The following PLEC variants were observed in gnomAD, a reference collection of about 807,000 sequenced individuals.
The protein encoded by PLEC is hemidesmosomal protein 1.
In PLEC, 216 loss-of-function variants were observed where a neutral mutation model predicts 392.8. That is an observed-to-expected ratio of 0.55 (90% CI 0.49 to 0.62). PLEC has a LOEUF of 0.62. Ranked by LOEUF, PLEC falls within the 20% of genes least tolerant of loss-of-function variation. The pLI is 0.00. For missense variants in PLEC, 6,863 were observed against 6,563.4 expected (o/e 1.05, Z -1.58); for synonymous variants, 3,621 against 2,980.6 (o/e 1.21, Z -7.00).
chr8:143,921,162 T>C lies in PLEC; in HGVS notation c.8659A>G (p.Lys2887Glu), dbSNP rs782052845. The change falls in exon 32 of 32, where the codon AAG becomes GAG. Residue 2887 changes from lysine to glutamate, a missense_variant. Physicochemically the swap from Lys to Glu is moderately conservative, Grantham distance 56. Transcript: ENST00000345136. The stretch of plus-strand genomic sequence containing the variant: ...ACCAGCTCCCCGCCCTTGGCAGCCT[T>C]ATCCGTGAGTGGCAGAAGGCACAGG... ...TGLCLLPLTD[K>E]AAKGGELVYT... 7 of 1,613,672 alleles carry C rather than the reference T, an allele frequency of 4.3e-6. No individual in the cohort carries two copies. The highest frequency in any genetic ancestry group is 5.9e-6 in the Non-Finnish European group (7 of 1,180,010).
chr8:143,923,400 T>A lies in PLEC; in HGVS notation c.6529A>T (p.Thr2177Ser), dbSNP rs1554692183. The A allele has an allele frequency of 1.2e-6, 2 of 1,610,870 alleles. No homozygotes were observed. Among genetic ancestry groups the A allele is most frequent in the South Asian group, 2.2e-5 (2 of 90,968 alleles). Residue 2177 changes from threonine (T) to serine (S), a missense_variant, in exon 31 of 32, where the codon ACG becomes TCG. Transcript: ENST00000345136. The stretch of plus-strand genomic sequence containing the variant: ...TCCACCTGCGCCTTCTGCCGCAGCG[T>A]CTGCTCGGCGAATTTCTTATGCTTC... ...MEKHKKFAEQ[T>S]LRQKAQVEQE...
At position 143,932,547 on chromosome 8, in the gene PLEC, G is replaced by A. The variant is rs1008611582; in HGVS notation, c.1830C>T (p.Ala610=). Residue 610 remains alanine, a synonymous_variant, in exon 16 of 32, where the codon GCC becomes GCT. Transcript: ENST00000345136. ...GCAAGCTCTCCAGGGACCTGAGGCGGGCCTTGGAGGAGTTCTGTGGGCAGG... is the reference window on the plus strand; with the variant it reads ...GCAAGCTCTCCAGGGACCTGAGGCGAGCCTTGGAGGAGTTCTGTGGGCAGG... ...QYAKLLNSSK[A]RLRSLESLHS... 13 of 1,612,572 alleles carry A rather than the reference G, an allele frequency of 8.1e-6. No homozygotes were observed. Among genetic ancestry groups the A allele is most frequent in the Non-Finnish European group, 1.0e-5 (12 of 1,179,946 alleles).
intron 28 of PLEC, 65 bp downstream of exon 28, chr8:143,927,187 A>G: frequency 6.3e-7 from 1 of 1,583,702 alleles, no homozygotes; most frequent in South Asian, 1.1e-5. Context: ...AGGCTCAGGG[A>G]AAGCCCGCCA....
At chr8:143,933,922 C>G (rs1828148325) in intron 12 of PLEC, 76 bp downstream of exon 12, 4 of 1,350,012 alleles carry the variant, frequency 3.0e-6, no homozygotes, top group Non-Finnish European at 4.1e-6. Context: ...CAGCCCCCTC[C>G]TGGCTTTAGG....
At chr8:143,935,791 T>G in intron 6 of PLEC, 57 bp downstream of exon 6, 2 of 1,584,934 alleles carry the variant, frequency 1.3e-6, no homozygotes, top group Non-Finnish European at 1.7e-6. Flanking sequence ...AGTTGCCTAG[T>G]GGAGGCGCTG....
rs782178702 is a variant in PLEC at position 143,929,832 on chromosome 8, G to T, written c.2740-3C>A. 63 of 1,599,482 alleles carry T rather than the reference G, an allele frequency of 3.9e-5. No homozygotes were observed. The highest frequency in any genetic ancestry group is 4.1e-5 in the Non-Finnish European group (48 of 1,178,648). On this transcript the variant is annotated splice_region_variant and splice_polypyrimidine_tract_variant and intron_variant, in intron 22 of 31. Transcript: ENST00000345136. ...TCCTCTGGCTTCAGGGTGCGGAACT[G>T]GGGGAAGCACGTGGGGCTGAGTGCC...
rs782004006 is a variant in PLEC, at chr8:143,927,291, C to G, written c.3801G>C (p.Glu1267Asp). 12 of 1,613,242 alleles carry G rather than the reference C, an allele frequency of 7.4e-6. No homozygotes were observed. Among genetic ancestry groups the G allele is most frequent in the Middle Eastern group, 1.6e-4 (1 of 6,084 alleles). The change falls in exon 28 of 32, where the codon GAG (glutamate) becomes GAC (aspartate). Residue 1267 changes from glutamate to aspartate, a missense_variant. Coordinates refer to ENST00000345136, the MANE Select transcript of PLEC (RefSeq NM_201384.3). ...EIERHGEKVE[E>D]CQRFAKQYIN... ...TGTACTGTTTCGCAAACCTCTGGCA[C>G]TCCTCGACCTTCTCGCCGTGGCGCT...
chr8:143,927,577 C>T lies in PLEC; in HGVS notation c.3589G>A (p.Val1197Met), dbSNP rs3134600. Residue 1197 changes from valine to methionine, a missense_variant, in exon 27 of 32, where the codon GTG (valine) becomes ATG (methionine). Physicochemically the swap from Val to Met is conservative, Grantham distance 21 (BLOSUM62 1). Transcript: ENST00000345136. ...RWQAVLAQTDVRQRELEQLGR... is the reference protein window; with the variant it reads ...RWQAVLAQTDMRQRELEQLGR... ...AGTTGCTCGAGCTCGCGCTGCCGCA[C>T]GTCGGTCTGGGCCAGCACAGCCTGC... is the stretch of plus-strand genomic sequence containing the variant. 2.5e-5 allele frequency: 40 copies of T among 1,590,196 alleles called. No individual in the cohort carries two copies. The East Asian group carries it at 3.4e-4, about 14-fold the overall frequency.
At chr8:143,966,098 C>T (rs901025627) in intron 1 of PLEC, among the ~76,000 whole-genome samples, 2 of 152,186 alleles carry the variant, frequency 1.3e-5, no homozygotes, top group South Asian at 2.1e-4. Context: ...CAAGCAGTCC[C>T]GCTGAGGTCC....
At chr8:143,951,214 G>A (rs1213364781), upstream of PLEC, among the ~76,000 whole-genome samples, 1 of 152,204 alleles carries the variant, frequency 6.6e-6, no homozygotes, top group Non-Finnish European at 1.5e-5. Flanking sequence ...AGGGCAGGCA[G>A]GGGGGCTGAG....
chr8:143,917,138 G>C lies in PLEC; in HGVS notation c.12683C>G (p.Ser4228Cys), dbSNP rs886044804. 6.2e-7 allele frequency: 1 copy of C among 1,604,686 alleles called. No individual in the cohort carries two copies. Among genetic ancestry groups the C allele is most frequent in the East Asian group, 2.2e-5 (1 of 44,588 alleles). The change falls in exon 32 of 32, where the codon TCC (serine) becomes TGC (cysteine). Residue 4228 changes from serine (S) to cysteine (C), a missense_variant. Coordinates refer to ENST00000345136, the MANE Select transcript of PLEC (RefSeq NM_201384.3). ...GAGCATGTCGGCGAACTCGGTGATG[G>C]AGAGCGTGCCGGCGCGGTACTGGTC... ...ALDQYRAGTL[S>C]ITEFADMLSG...
rs914992886 is a variant in PLEC, at chr8:143,938,850, C to T, written c.113-158G>A. Among the ~76,000 whole-genome samples the T allele has an allele frequency of 1.4e-4, 22 of 152,054 alleles. 1 individual carries two copies. Among genetic ancestry groups the T allele is most frequent in the South Asian group, 4.2e-4 (2 of 4,816 alleles). On this transcript the variant is annotated intron_variant, in intron 1 of 31. Transcript: ENST00000345136. ...ACACTGAGACCCAGGCGCCCTCACC[C>T]GCAGCCCAGCCACACAGCAGAGACC...
intron 1 of PLEC, chr8:143,945,177 C>T (rs782340589): frequency 4.3e-6 from 2 of 466,940 alleles, no homozygotes; most frequent in Non-Finnish European, 8.7e-6. Context: ...CCTGGCCCCA[C>T]CGGTGGCCGG....
chr8:143,918,976 C>T lies in PLEC; in HGVS notation c.10845G>A (p.Lys3615=). Residue 3615 remains lysine (K), a synonymous_variant, in exon 32 of 32, where the codon AAG becomes AAA. Coordinates refer to ENST00000345136, the MANE Select transcript of PLEC (RefSeq NM_201384.3). The part of the protein sequence containing the change: ...MADFQAGRVT[K]ERMIIIIIEI... ...CGATGATGATGATGATCATGCGTTCCTTGGTCACCCGGCCGGCCTGGAAGT... is the reference window on the plus strand; with the variant it reads ...CGATGATGATGATGATCATGCGTTCTTTGGTCACCCGGCCGGCCTGGAAGT... 6.2e-7 allele frequency: 1 copy of T among 1,611,114 alleles called. No individual in the cohort carries two copies. The highest frequency in any genetic ancestry group is 2.2e-5 in the East Asian group (1 of 44,872).
upstream of PLEC, among the ~76,000 whole-genome samples, chr8:143,941,732 C>T (rs1172284767): frequency 6.6e-6 from 1 of 151,574 alleles, no homozygotes; most frequent in African/African-American, 2.4e-5. Context: ...GACACACCCG[C>T]CCCACCCAGC....
At chr8:143,955,923 A>G (rs974272830), upstream of PLEC, among the ~76,000 whole-genome samples, 39 of 145,154 alleles carry the variant, frequency 2.7e-4, 1 homozygote, top group African/African-American at 7.9e-4. Context: ...ATGCATAAAA[A>G]TTTTCCTCAG....
At chr8:143,925,961 C>T in intron 30 of PLEC, 77 bp from the exon 31 acceptor site, 2 of 1,433,428 alleles carry the variant, frequency 1.4e-6, no homozygotes, top group Middle Eastern at 2.3e-4. Context: ...CACGCACCGG[C>T]ACAGTTCACT....
At chr8:143,938,570 C>T in intron 2 of PLEC, 61 bp downstream of exon 2, 1 of 1,580,054 alleles carries the variant, frequency 6.3e-7, no homozygotes, top group African/African-American at 1.3e-5. Flanking sequence ...CAGGGGCCAC[C>T]CTCCCTCAGC....
At chr8:143,926,527 G>T (rs1825243036) in intron 30 of PLEC, among the ~76,000 whole-genome samples, 2 of 152,340 alleles carry the variant, frequency 1.3e-5, no homozygotes, top group South Asian at 4.1e-4. Context: ...TAGGCTGCAG[G>T]GGGGACGCTC....
Sources: allele counts gnomAD v4.1 joint callset (sites outside exome capture counted in the v4.1 genomes callset), GRCh38; gene constraint gnomAD v4.1.1; transcripts MANE v1.5; gene names NCBI Gene and HGNC (gene_info 2026-07-23, HGNC 2026-07-21).